Variants in MEGF10 observed in about 807,000 individuals in gnomAD.
MEGF10 encodes multiple EGF like domains 10, also known as multiple epidermal growth factor-like domains protein 10.
Under a neutral mutation model 147.5 loss-of-function variants are expected in MEGF10, and 86 were observed. The observed-to-expected ratio is 0.58, with a 90% confidence interval of 0.49 to 0.70. MEGF10 has a LOEUF of 0.70. Ranked by LOEUF, MEGF10 falls within the 30% of genes least tolerant of loss-of-function variation. The pLI is 0.00. For missense variants in MEGF10, 1,329 were observed against 1,487.3 expected (o/e 0.89, Z 1.75); for synonymous variants, 478 against 525.5 (o/e 0.91, Z 1.24).
intron 4 of MEGF10, among the ~76,000 whole-genome samples, chr5:127,346,877 C>G (rs796082875): frequency 6.6e-6 from 1 of 152,110 alleles, no homozygotes; most frequent in African/African-American, 2.4e-5. Flanking sequence ...TTTTCACATC[C>G]ATAATGAGAT....
chr5:127,298,414 G>A (rs767391324), intron 1 of MEGF10, among the ~76,000 whole-genome samples: 1 of 152,158 alleles, frequency 6.6e-6, no homozygotes, highest in African/African-American at 2.4e-5. Flanking sequence ...GCTTTCAGCT[G>A]GTTCCTTAAA....
intron 16 of MEGF10, among the ~76,000 whole-genome samples, chr5:127,437,347 A>G (rs1314815746): frequency 6.6e-6 from 1 of 152,246 alleles, no homozygotes; most frequent in African/African-American, 2.4e-5. Context: ...TGTTGTATTT[A>G]GAAAATTTGT....
intron 4 of MEGF10, among the ~76,000 whole-genome samples, chr5:127,362,880 T>C (rs1332736158): frequency 2.6e-5 from 4 of 152,216 alleles, no homozygotes; most frequent in Non-Finnish European, 5.9e-5. Context: ...AAGTTGAATA[T>C]TTTTTATAAT....
chr5:127,382,827 C>G (rs1331615332), intron 5 of MEGF10, among the ~76,000 whole-genome samples: 4 of 152,112 alleles, frequency 2.6e-5, no homozygotes, highest in South Asian at 4.1e-4. Flanking sequence ...ACCTGATTGA[C>G]CAATGAACAT....
At chr5:127,257,052 TC>T in the MEGF10 span, among the ~76,000 whole-genome samples, 1 of 152,156 alleles carries the variant, frequency 6.6e-6, no homozygotes, top group Non-Finnish European at 1.5e-5. Context: ...TGGGCAAAGT[TC>T]CTGTGAGCTC....
chr5:127,363,303 A>G (rs1267761628), intron 4 of MEGF10, among the ~76,000 whole-genome samples: 3 of 152,184 alleles, frequency 2.0e-5, no homozygotes, highest in East Asian at 3.8e-4. Context: ...AAATAGAAAC[A>G]TATACATAAT....
intron 16 of MEGF10, 126 bp downstream of exon 16, chr5:127,435,615 C>T: frequency 2.2e-6 from 2 of 923,842 alleles, no homozygotes; most frequent in East Asian, 3.2e-5. Flanking sequence ...AAGACACATT[C>T]TACTTTAAAT....
chr5:127,420,358 T>A, intron 12 of MEGF10, 151 bp downstream of exon 12: 3 of 838,190 alleles, frequency 3.6e-6, no homozygotes, highest in Non-Finnish European at 5.4e-6. Flanking sequence ...TGGATTCAAA[T>A]TGGACGTAGG....
upstream of MEGF10, among the ~76,000 whole-genome samples, chr5:127,289,267 G>A (rs1035516476): frequency 2.0e-5 from 3 of 152,134 alleles, no homozygotes; most frequent in Non-Finnish European, 4.4e-5. Flanking sequence ...AAGGAAAGTG[G>A]GGCAACCAAG....
intron 1 of MEGF10, among the ~76,000 whole-genome samples, chr5:127,294,248 T>C (rs1759395785): frequency 6.6e-6 from 1 of 152,230 alleles, no homozygotes; most frequent in South Asian, 2.1e-4. Flanking sequence ...GTATCAGCCA[T>C]ATTTATTATC....
upstream of MEGF10, among the ~76,000 whole-genome samples, chr5:127,289,672 A>G (rs897931839): frequency 2.6e-4 from 39 of 152,336 alleles, no homozygotes; most frequent in African/African-American, 9.1e-4. Flanking sequence ...AAACATATCT[A>G]TGTTCATTCA....
the MEGF10 span, among the ~76,000 whole-genome samples, chr5:127,240,412 C>A: frequency 1.3e-5 from 2 of 152,282 alleles, no homozygotes. Flanking sequence ...TTTTGCTCAT[C>A]ATTGTATCCA....
At chr5:127,396,504 T>A in intron 5 of MEGF10, 28 bp from the exon 6 acceptor site, 1 of 1,505,338 alleles carries the variant, frequency 6.6e-7, no homozygotes, top group Non-Finnish European at 8.9e-7. Flanking sequence ...TACCCACTGA[T>A]ATCCACTGTT....
intron 1 of MEGF10, among the ~76,000 whole-genome samples, chr5:127,327,778 G>C (rs1187948962): frequency 6.8e-6 from 1 of 147,374 alleles, no homozygotes; most frequent in African/African-American, 2.5e-5. Context: ...GCAATGGCAC[G>C]ATCTTGGCTC....
In MEGF10 at chr5:127,435,460, C is replaced by T. The variant is rs1438929888; in HGVS notation, c.2075C>T (p.Pro692Leu). The T allele has an allele frequency of 1.2e-6, 2 of 1,613,688 alleles. No homozygotes were observed. Among genetic ancestry groups the T allele is most frequent in the Non-Finnish European group, 1.7e-6 (2 of 1,179,916 alleles). The change falls in exon 16 of 25, where the codon CCC becomes CTC. Residue 692 changes from proline to leucine, a missense_variant. Physicochemically the swap from Pro to Leu is moderately conservative, Grantham distance 98 (BLOSUM62 -3). Coordinates refer to ENST00000503335, the MANE Select transcript of MEGF10 (RefSeq NM_001256545.2). ...NPIDRSCQCY[P>L]GWIGSDCSQP... ...ATTGACAGATCTTGTCAGTGTTACC[C>T]CGGTTGGATTGGCAGTGACTGCTCT...
intron 9 of MEGF10, among the ~76,000 whole-genome samples, chr5:127,413,029 C>A (rs901362640): frequency 6.6e-6 from 1 of 152,118 alleles, no homozygotes; most frequent in South Asian, 2.1e-4. Flanking sequence ...ATGTCATGTT[C>A]GCTAATACCC....
intron 5 of MEGF10, among the ~76,000 whole-genome samples, chr5:127,382,433 T>C (rs1763296653): frequency 6.6e-6 from 1 of 152,202 alleles, no homozygotes; most frequent in Non-Finnish European, 1.5e-5. Flanking sequence ...GTAAAGAAAG[T>C]CTAAATTTTA....
Position 127,396,759 on chromosome 5 carries a change from C to T in MEGF10, c.640C>T (p.Pro214Ser), listed in dbSNP as rs758686621. 4 of 1,613,832 alleles carry T rather than the reference C, an allele frequency of 2.5e-6. No individual in the cohort carries two copies. The highest frequency in any genetic ancestry group is 1.6e-4 in the Middle Eastern group (1 of 6,062). ...CGTCACGGGGGAATGCCGCTGCCCA[C>T]CAGGATACACCGGAGCCTTGTAAGT... ...DHVTGECRCPPGYTGAFCEDL... is the reference protein window; with the variant it reads ...DHVTGECRCPSGYTGAFCEDL... The change falls in exon 6 of 25, where the codon CCA becomes TCA. Residue 214 changes from proline (P) to serine (S), a missense_variant. Transcript: ENST00000503335.
chr5:127,340,896 A>C (rs968626392), intron 4 of MEGF10, among the ~76,000 whole-genome samples: 4 of 152,140 alleles, frequency 2.6e-5, no homozygotes, highest in African/African-American at 9.7e-5. Flanking sequence ...TGGTGATGTA[A>C]ATTATAATTC....
Sources: gnomAD v4.1 joint callset for allele counts (sites outside exome capture counted in the v4.1 genomes callset) on GRCh38, gnomAD v4.1.1 for gene constraint, MANE v1.5 for transcripts, NCBI Gene and HGNC (gene_info 2026-07-23, HGNC 2026-07-21) for gene names.